CDH8: variants seen among roughly 807,000 people sequenced by gnomAD.
CDH8 encodes cadherin-8.
In CDH8, 17 loss-of-function variants were observed where a neutral mutation model predicts 68.1. The observed-to-expected ratio is 0.25, with a 90% CI of 0.17 to 0.37. The LOEUF (loss-of-function observed/expected upper bound fraction) is 0.37, where lower values mean the gene tolerates loss of function less well. Ranked by LOEUF, CDH8 falls within the 10% of genes least tolerant of loss-of-function variation. The pLI is 1.00. For missense variants in CDH8, 763 were observed against 999.3 expected, an observed-to-expected ratio of 0.76 and a Z score of 3.19; for synonymous variants, 372 against 365.1, an observed-to-expected ratio of 1.02 and a Z score of -0.21.
chr16:61,720,448 C>A (rs1959208613), intron 9 of CDH8, among the ~76,000 whole-genome samples: 1 of 150,938 alleles, frequency 6.6e-6, no homozygotes, highest in South Asian at 2.1e-4. Flanking sequence ...AAAAATATAT[C>A]AGTCCGTAAT....
At chr16:62,030,104 T>C (rs555364257) in intron 1 of CDH8, among the ~76,000 whole-genome samples, 1 of 152,308 alleles carries the variant, frequency 6.6e-6, no homozygotes, top group South Asian at 2.1e-4. Context: ...TCTAAAACTT[T>C]ATAGCTTAAT....
At chr16:61,911,118 T>G (rs1332691432) in intron 2 of CDH8, among the ~76,000 whole-genome samples, 3 of 152,032 alleles carry the variant, frequency 2.0e-5, no homozygotes, top group African/African-American at 7.2e-5. Flanking sequence ...GTGGGTCAAT[T>G]ACTGAAAAGA....
At chr16:61,975,263 G>A (rs1227069248) in intron 2 of CDH8, among the ~76,000 whole-genome samples, 1 of 152,148 alleles carries the variant, frequency 6.6e-6, no homozygotes, top group Non-Finnish European at 1.5e-5. Flanking sequence ...CCGAAAGAGA[G>A]AGAGAGAAAT....
rs1019920656 is a variant in CDH8 at position 61,960,407 on chromosome 16, A to G, written c.253-58934T>C. Among the ~76,000 whole-genome samples the G allele has an allele frequency of 1.7e-5, 2 of 116,478 alleles. 1 individual carries two copies. Among genetic ancestry groups the G allele is most frequent in the South Asian group, 5.1e-4 (2 of 3,890 alleles). The allele number at this position is 116,478 out of a possible 152,430, so 76.4% of individuals were successfully genotyped here. A position where few individuals can be genotyped will look rare whatever the true frequency, so the allele number is the denominator to read the frequency against. On this transcript the variant is annotated intron_variant, in intron 2 of 11. Coordinates refer to ENST00000577390, the MANE Select transcript of CDH8 (RefSeq NM_001796.5). ...TGTGTGTATACACATACATATATAC[A>G]TATATGTGTGTGTGTATACACATAC...
chr16:61,760,139 G>A (rs1960424881), intron 8 of CDH8, among the ~76,000 whole-genome samples: 1 of 152,014 alleles, frequency 6.6e-6, no homozygotes, highest in Non-Finnish European at 1.5e-5. Flanking sequence ...CACCCCAGTT[G>A]ACACTGTCTA....
intron 8 of CDH8, among the ~76,000 whole-genome samples, chr16:61,787,092 G>A (rs1764588082): frequency 6.7e-6 from 1 of 149,712 alleles, no homozygotes; most frequent in South Asian, 2.1e-4. Context: ...TGACAAATGG[G>A]ATCTAATTAA....
chr16:62,032,337 GTGT>G (rs1379067599), intron 1 of CDH8, among the ~76,000 whole-genome samples: 2 of 152,124 alleles, frequency 1.3e-5, no homozygotes, highest in African/African-American at 4.8e-5. Flanking sequence ...ATATGTGTGT[GTGT>G]TATTTGCGTG....
At chr16:61,866,218 T>C (rs1369385836) in intron 3 of CDH8, among the ~76,000 whole-genome samples, 1 of 151,594 alleles carries the variant, frequency 6.6e-6, no homozygotes, top group Non-Finnish European at 1.5e-5. Flanking sequence ...AGTGAGACCC[T>C]GTCTCAATAA....
intron 8 of CDH8, among the ~76,000 whole-genome samples, chr16:61,764,546 T>G (rs1032584450): frequency 1.3e-5 from 2 of 152,122 alleles, no homozygotes; most frequent in African/African-American, 2.4e-5. Context: ...TTAATGTTAC[T>G]GTACATTTTA....
chr16:61,700,832 G>C (rs1433300134), intron 10 of CDH8, among the ~76,000 whole-genome samples: 1 of 152,066 alleles, frequency 6.6e-6, no homozygotes, highest in East Asian at 1.9e-4. Flanking sequence ...TGCACCATAG[G>C]GTGGCCATAA....
At chr16:61,735,372 G>A (rs190052245) in intron 8 of CDH8, among the ~76,000 whole-genome samples, 5 of 152,104 alleles carry the variant, frequency 3.3e-5, no homozygotes, top group East Asian at 1.9e-4. Context: ...AGAGATATGC[G>A]ACATTAATGT....
At chr16:61,796,746 C>G (rs997265168) in intron 7 of CDH8, among the ~76,000 whole-genome samples, 1 of 151,952 alleles carries the variant, frequency 6.6e-6, no homozygotes, top group Non-Finnish European at 1.5e-5. Context: ...ATTAAGGATA[C>G]AAATTCAAGA....
At chr16:61,871,440 A>T (rs1390910752) in intron 3 of CDH8, among the ~76,000 whole-genome samples, 3 of 151,944 alleles carry the variant, frequency 2.0e-5, no homozygotes, top group Non-Finnish European at 4.4e-5. Context: ...CTAGGATTAC[A>T]GATGTGAGCC....
intron 7 of CDH8, among the ~76,000 whole-genome samples, chr16:61,811,660 TG>T (rs1455271626): frequency 1.6e-4 from 24 of 152,104 alleles, no homozygotes; most frequent in African/African-American, 5.8e-4. Flanking sequence ...CATTGATGAA[TG>T]GATAAAGAAA....
At chr16:61,787,212 G>A (rs1439463092) in intron 8 of CDH8, among the ~76,000 whole-genome samples, 5 of 151,078 alleles carry the variant, frequency 3.3e-5, no homozygotes, top group African/African-American at 7.3e-5. Context: ...GCTAATATCC[G>A]GAATCTACAA....
At chr16:62,010,288 T>A (rs1271197875) in intron 2 of CDH8, among the ~76,000 whole-genome samples, 1 of 152,212 alleles carries the variant, frequency 6.6e-6, no homozygotes, top group African/African-American at 2.4e-5. Flanking sequence ...TTTGTTTCCT[T>A]CCATAATCTC....
At chr16:61,977,021 T>C (rs1314930260) in intron 2 of CDH8, among the ~76,000 whole-genome samples, 1 of 152,148 alleles carries the variant, frequency 6.6e-6, no homozygotes, top group Non-Finnish European at 1.5e-5. Context: ...AACTGCATAA[T>C]ATAAGAAGTC....
chr16:61,891,556 C>T (rs1376596664), intron 3 of CDH8, among the ~76,000 whole-genome samples: 1 of 152,126 alleles, frequency 6.6e-6, no homozygotes, highest in African/African-American at 2.4e-5. Context: ...CATTGCTTCA[C>T]TTTCATTATA....
At chr16:61,823,305 C>A (rs1294484447) in intron 5 of CDH8, among the ~76,000 whole-genome samples, 1 of 151,826 alleles carries the variant, frequency 6.6e-6, no homozygotes, top group African/African-American at 2.4e-5. Context: ...TCTCTCCCCA[C>A]CCCACCTTCC....
Sources: gnomAD v4.1 joint callset for allele counts (sites outside exome capture counted in the v4.1 genomes callset) on GRCh38, gnomAD v4.1.1 for gene constraint, MANE v1.5 for transcripts, NCBI Gene and HGNC (gene_info 2026-07-23, HGNC 2026-07-21) for gene names.